Variants in ABCA1 observed in about 807,000 individuals in gnomAD.
The protein encoded by ABCA1 is phospholipid-transporting ATPase ABCA1.
A neutral mutation model predicts 262.5 loss-of-function variants in ABCA1; 133 were observed. The ratio of observed to expected loss-of-function variants is 0.51; its 90% CI spans 0.44 to 0.59. The LOEUF (loss-of-function observed/expected upper bound fraction) is 0.59, where lower values mean the gene tolerates loss of function less well. ABCA1 is among the 20% of genes least tolerant of loss of function. The pLI, the probability that ABCA1 is intolerant of heterozygous loss-of-function variation, is 0.00. For synonymous variants in ABCA1, 1,022 were observed against 1,043.5 expected (o/e 0.98, Z 0.40); for missense variants, 2,452 against 2,777.5 (o/e 0.88, Z 2.63).
intron 39 of ABCA1, among the ~76,000 whole-genome samples, chr9:104,795,385 G>A (rs1829809591): frequency 6.6e-6 from 1 of 152,220 alleles, no homozygotes; most frequent in Non-Finnish European, 1.5e-5. Flanking sequence ...GAATGGAGAG[G>A]AAGCCTTATT....
chr9:104,784,238 C>G lies in ABCA1; in HGVS notation c.*77G>C. ...TCCCACATCAACTTCTGGCTCTTTT[C>G]TCCACAACACTTCACATGGTGCAAA... On this transcript the variant is annotated 3_prime_UTR_variant, in exon 50 of 50. Coordinates refer to ENST00000374736, the MANE Select transcript of ABCA1 (RefSeq NM_005502.4). 2.5e-6 allele frequency: 4 copies of G among 1,591,526 alleles called. No individual in the cohort carries two copies. The highest frequency in any genetic ancestry group is 3.4e-6 in the Non-Finnish European group (4 of 1,161,834).
chr9:104,811,308 T>G (rs1831259497), intron 28 of ABCA1, among the ~76,000 whole-genome samples: 1 of 152,248 alleles, frequency 6.6e-6, no homozygotes, highest in South Asian at 2.1e-4. Flanking sequence ...CCAGAAGTCC[T>G]GAATCCTGGT....
In ABCA1 at chr9:104,783,829, C is replaced by T. The variant is rs745459951; in HGVS notation, c.*486G>A. 10 of 167,838 alleles carry T rather than the reference C, an allele frequency of 6.0e-5. No homozygotes were observed. The highest frequency in any genetic ancestry group is 1.3e-4 in the Non-Finnish European group (10 of 77,098). 10.4% of individuals were successfully genotyped at this position (167,838 alleles called of 1,614,324 possible). On this transcript the variant is annotated 3_prime_UTR_variant, in exon 50 of 50. Coordinates refer to ENST00000374736, the MANE Select transcript of ABCA1 (RefSeq NM_005502.4). ...AAAAACTTGGCACTAATAACTCTGG[C>T]ACACTCATTGCCAGCAATGGATGTG...
chr9:104,836,547 T>C (rs1211567860), intron 11 of ABCA1, among the ~76,000 whole-genome samples: 1 of 152,218 alleles, frequency 6.6e-6, no homozygotes, highest in East Asian at 1.9e-4. Context: ...CAGCTCATCA[T>C]TCACACAGTG....
At chr9:104,826,768 A>T (rs1045361138) in intron 16 of ABCA1, among the ~76,000 whole-genome samples, 180 bp downstream of exon 16, 1 of 152,246 alleles carries the variant, frequency 6.6e-6, no homozygotes, top group South Asian at 2.1e-4. Flanking sequence ...ACTAAAGGTA[A>T]ACAATTTAAT....
chr9:104,821,136 G>A lies in ABCA1; in HGVS notation c.2960+239C>T, dbSNP rs141883281. The stretch of plus-strand genomic sequence containing the variant: ...TGTGTGCCTAGAGTCCCAGCTACTC[G>A]GGAGGCTGAGGCAGGAGAATCGCTT... On this transcript the variant is annotated intron_variant, in intron 20 of 49. Transcript: ENST00000374736. 5.6e-3 allele frequency among the ~76,000 whole-genome samples: 851 copies of A among 152,192 alleles called. 9 individuals are homozygous for A. Among genetic ancestry groups the A allele is most frequent in the African/African-American group, 0.019 (795 of 41,538 alleles).
chr9:104,920,587 C>T (rs1327269808), intron 1 of ABCA1, among the ~76,000 whole-genome samples: 1 of 152,226 alleles, frequency 6.6e-6, no homozygotes, highest in Non-Finnish European at 1.5e-5. Context: ...TCTCGGCTCA[C>T]TGCAATCTCT....
chr9:104,864,467 G>T (rs1836906444), intron 5 of ABCA1, among the ~76,000 whole-genome samples: 1 of 152,122 alleles, frequency 6.6e-6, no homozygotes, highest in Non-Finnish European at 1.5e-5. Context: ...ATTAATCACT[G>T]TACAACCATG....
rs117277071 is a variant in ABCA1 at position 104,898,888 on chromosome 9, A to T, written c.66+4726T>A. 2.4e-4 allele frequency among the ~76,000 whole-genome samples: 36 copies of T among 152,290 alleles called. No individual in the cohort carries two copies. The East Asian group carries it at 5.4e-3, about 23-fold the overall frequency. ...CCCTACCCACACCTGCTAGTATCTA[A>T]CACCAGTACCATAGTTTGCCGGATT... On this transcript the variant is annotated intron_variant, in intron 2 of 49. Transcript: ENST00000374736.
At chr9:104,856,170 T>C in intron 7 of ABCA1, 1 of 1,462,172 alleles carries the variant, frequency 6.8e-7, no homozygotes, top group Non-Finnish European at 9.0e-7. Context: ...AGTCCCAGCA[T>C]TCCAATTAAG....
intron 5 of ABCA1, among the ~76,000 whole-genome samples, chr9:104,881,299 T>C (rs1218431621): frequency 6.6e-6 from 1 of 152,220 alleles, no homozygotes; most frequent in Non-Finnish European, 1.5e-5. Flanking sequence ...CAAGGCCAGG[T>C]GCTCAGAAAT....
rs1262217949 is a variant in ABCA1, at chr9:104,800,601, C to T, written c.4699-17G>A. 6.2e-7 allele frequency: 1 copy of T among 1,613,694 alleles called. No individual in the cohort carries two copies. The highest frequency in any genetic ancestry group is 8.5e-7 in the Non-Finnish European group (1 of 1,179,576). The stretch of plus-strand genomic sequence containing the variant: ...AGAACTGTCCTGTAAACAACAGAAA[C>T]CTGCCTCAGTTGTGACTGTTCACAT... On this transcript the variant is annotated splice_polypyrimidine_tract_variant and intron_variant, in intron 34 of 49. Transcript: ENST00000374736.
intron 2 of ABCA1, among the ~76,000 whole-genome samples, chr9:104,893,684 T>G (rs1006826077): frequency 1.3e-5 from 2 of 152,124 alleles, no homozygotes; most frequent in African/African-American, 4.8e-5. Flanking sequence ...GTCTTGATTT[T>G]ATATGTAGCA....
At chr9:104,916,027 T>G (rs549842236) in intron 1 of ABCA1, among the ~76,000 whole-genome samples, 149 of 152,142 alleles carry the variant, frequency 9.8e-4, no homozygotes, top group Non-Finnish European at 1.7e-3. Flanking sequence ...AAGAAAGCCA[T>G]GCTCTGATCA....
At chr9:104,816,400 G>A (rs1235963710) in intron 24 of ABCA1, 55 bp from the exon 25 acceptor site, 5 of 1,552,526 alleles carry the variant, frequency 3.2e-6, no homozygotes, top group Admixed American at 3.3e-5. Context: ...GCTTCGGAGT[G>A]AGGGCTGGCC....
At chr9:104,896,888 G>A (rs942179278) in intron 2 of ABCA1, among the ~76,000 whole-genome samples, 1 of 150,570 alleles carries the variant, frequency 6.6e-6, no homozygotes, top group Non-Finnish European at 1.5e-5. Flanking sequence ...GTACCACCAT[G>A]CCTGACTAAT....
chr9:104,820,851 G>C (rs1310756137), intron 20 of ABCA1, among the ~76,000 whole-genome samples: 1 of 152,126 alleles, frequency 6.6e-6, no homozygotes, highest in Non-Finnish European at 1.5e-5. Flanking sequence ...CTGGGCTGAT[G>C]TCACCTCTAC....
intron 40 of ABCA1, among the ~76,000 whole-genome samples, chr9:104,793,809 T>G (rs1829631068): frequency 6.6e-6 from 1 of 152,118 alleles, no homozygotes. Context: ...TAGCCCAAGT[T>G]GCAAAAAGCC....
chr9:104,913,717 T>C (rs982912533), intron 1 of ABCA1, among the ~76,000 whole-genome samples: 2 of 152,346 alleles, frequency 1.3e-5, no homozygotes, highest in African/African-American at 4.8e-5. Flanking sequence ...TACTATTTTC[T>C]CTACATTCTC....
Sources: allele counts gnomAD v4.1 joint callset (sites outside exome capture counted in the v4.1 genomes callset), GRCh38; gene constraint gnomAD v4.1.1; transcripts MANE v1.5; gene names NCBI Gene and HGNC (gene_info 2026-07-23, HGNC 2026-07-21).